Variants in PPARGC1B observed in about 807,000 individuals in gnomAD.
PPARGC1B encodes the protein peroxisome proliferator-activated receptor gamma coactivator 1-beta.
Under a neutral mutation model 101.6 loss-of-function variants are expected in PPARGC1B, and 34 were observed. The ratio of observed to expected loss-of-function variants is 0.33; its 90% confidence interval spans 0.25 to 0.45. The LOEUF (loss-of-function observed/expected upper bound fraction) is 0.45, where lower values mean the gene tolerates loss of function less well. Ranked by LOEUF, PPARGC1B falls within the 20% of genes least tolerant of loss-of-function variation. PPARGC1B has a pLI of 1.00. For missense variants in PPARGC1B, 1,234 were observed against 1,317.6 expected, an observed-to-expected ratio of 0.94 and a Z score of 0.98; for synonymous variants, 548 against 539.3, an observed-to-expected ratio of 1.02 and a Z score of -0.22.
rs1755124111 is a variant in PPARGC1B, at chr5:149,747,254, C to T, written c.78+16834C>T. 5.9e-5 allele frequency among the ~76,000 whole-genome samples: 9 copies of T among 152,142 alleles called. No individual in the cohort carries two copies. The South Asian group carries it at 1.9e-3, about 32-fold the overall frequency. ...AGCTCTTTCATTTTTATCTTTGATC[C>T]ATTTGGAGTTAATGTTTATATATGG... On this transcript the variant is annotated intron_variant, in intron 1 of 11. Coordinates refer to ENST00000309241, the MANE Select transcript of PPARGC1B (RefSeq NM_133263.4).
In PPARGC1B at chr5:149,836,741, C is replaced by T. The variant is rs45543631; in HGVS notation, c.2286C>T (p.Ala762=). Reference sequence around the variant, plus strand: ...TGCTGAGAGACCATGAGATCCGTGCCAGCCTCACCAAACACTTTGGGCTGC... The same window carrying T: ...TGCTGAGAGACCATGAGATCCGTGCTAGCCTCACCAAACACTTTGGGCTGC... ...STLLRDHEIR[A]SLTKHFGLLE... is the part of the protein sequence containing the mutation. Residue 762 remains alanine, a synonymous_variant, in exon 8 of 12, where the codon GCC becomes GCT. Coordinates refer to ENST00000309241, the MANE Select transcript of PPARGC1B (RefSeq NM_133263.4). The T allele has an allele frequency of 0.052, 83,414 of 1,613,670 alleles. 3,915 individuals carry two copies. Among genetic ancestry groups the T allele is most frequent in the Admixed American group, 0.23 (13,840 of 60,022 alleles).
chr5:149,812,488 A>G (rs986366142), intron 1 of PPARGC1B, among the ~76,000 whole-genome samples: 4 of 152,192 alleles, frequency 2.6e-5, no homozygotes, highest in Non-Finnish European at 5.9e-5. Flanking sequence ...TTGATGGGTG[A>G]TAGAAACTCC....
chr5:149,772,062 G>A, intron 1 of PPARGC1B: 1 of 1,555,912 alleles, frequency 6.4e-7, no homozygotes, highest in South Asian at 1.2e-5. Context: ...GTGCACAGGT[G>A]GGGACCTCTG....
chr5:149,845,633 A>G (rs534401597), intron 10 of PPARGC1B, 127 bp from the exon 11 acceptor site: 2 of 959,316 alleles, frequency 2.1e-6, no homozygotes, highest in Non-Finnish European at 3.2e-6. Flanking sequence ...CATCATCTCT[A>G]TCTAGGGGGC....
Position 149,814,429 on chromosome 5 carries a change from G to A in PPARGC1B, c.79-6004G>A, listed in dbSNP as rs770288899. ...ATTGTATCAAATGCTTGAGCAGGGT[G>A]TTCTCCAGAGGGCCTGTCTGGTTTT... On this transcript the variant is annotated intron_variant, in intron 1 of 11. Transcript: ENST00000309241. Among the ~76,000 whole-genome samples the A allele has an allele frequency of 2.0e-5, 3 of 152,208 alleles. No homozygotes were observed. In the East Asian group the frequency reaches 5.8e-4, roughly 29 times the overall value.
chr5:149,736,367 C>CT (rs78624741), intron 1 of PPARGC1B, among the ~76,000 whole-genome samples: 4,195 of 143,022 alleles, frequency 0.029, 116 homozygotes, highest in African/African-American at 0.077. Flanking sequence ...TGCATGCAAT[C>CT]TTTTTTTTTT....
chr5:149,763,281 A>T (rs2113160265), intron 1 of PPARGC1B, among the ~76,000 whole-genome samples: 1 of 152,286 alleles, frequency 6.6e-6, no homozygotes, highest in South Asian at 2.1e-4. Context: ...GAGCCCTCTT[A>T]AAGTTGCAGC....
rs749647350 is a variant in PPARGC1B at position 149,852,451 on chromosome 5, G to C, written c.*4893G>C. 6.6e-6 allele frequency: 1 copy of C among 152,150 alleles called. No individual in the cohort carries two copies. The highest frequency in any genetic ancestry group is 1.5e-5 in the Non-Finnish European group (1 of 68,020). 9.4% of individuals were successfully genotyped at this position (152,150 alleles called of 1,614,324 possible). The stretch of plus-strand genomic sequence containing the variant: ...CTCCTGTTCAGGGTGAGGGTTCTCT[G>C]CAAGAACCAACCAGCAGTAGGTTCA... On this transcript the variant is annotated 3_prime_UTR_variant, in exon 12 of 12. Transcript: ENST00000309241.
intron 1 of PPARGC1B, among the ~76,000 whole-genome samples, chr5:149,757,335 G>A (rs1447050186): frequency 7.2e-6 from 1 of 139,222 alleles, no homozygotes; most frequent in Admixed American, 7.2e-5. Flanking sequence ...AAAGAAACCT[G>A]GTGTGTTTGA....
chr5:149,737,298 C>T (rs1754754377), intron 1 of PPARGC1B, among the ~76,000 whole-genome samples: 1 of 152,142 alleles, frequency 6.6e-6, no homozygotes, highest in African/African-American at 2.4e-5. Flanking sequence ...TTTCCGAAGG[C>T]CTTCGGGTAC....
intron 1 of PPARGC1B, among the ~76,000 whole-genome samples, chr5:149,781,849 C>G (rs930556923): frequency 6.6e-6 from 1 of 152,170 alleles, no homozygotes; most frequent in Non-Finnish European, 1.5e-5. Flanking sequence ...TTTACCCATA[C>G]AATGACAGCT....
chr5:149,749,504 T>G (rs1463807970), intron 1 of PPARGC1B, among the ~76,000 whole-genome samples: 1 of 152,198 alleles, frequency 6.6e-6, no homozygotes, highest in African/African-American at 2.4e-5. Flanking sequence ...TGAATTCTTT[T>G]TGGAGCAATG....
Position 149,837,122 on chromosome 5 carries a change from G to A in PPARGC1B, c.2618+49G>A. ...AGGCAGCGGGCAGTGGAGGATCCCA[G>A]TTCCCGGGGAGCCAGGAGCCCCAGG... is the stretch of plus-strand genomic sequence containing the variant. On this transcript the variant is annotated intron_variant, in intron 8 of 11. Coordinates refer to ENST00000309241, the MANE Select transcript of PPARGC1B (RefSeq NM_133263.4). The surrounding 1 kb of genome is among the most constrained non-coding windows in gnomAD (Gnocchi z 4.2). 6.5e-7 allele frequency: 1 copy of A among 1,537,570 alleles called. No homozygotes were observed. Among genetic ancestry groups the A allele is most frequent in the South Asian group, 1.3e-5 (1 of 79,194 alleles).
intron 2 of PPARGC1B, among the ~76,000 whole-genome samples, chr5:149,821,601 T>C (rs1311753891): frequency 6.6e-6 from 1 of 152,214 alleles, no homozygotes; most frequent in Admixed American, 6.5e-5. Flanking sequence ...ATAATAATAA[T>C]AACAACCACA....
intron 1 of PPARGC1B, among the ~76,000 whole-genome samples, chr5:149,771,109 C>A (rs956794488): frequency 2.6e-5 from 4 of 152,118 alleles, no homozygotes; most frequent in Non-Finnish European, 4.4e-5. Flanking sequence ...GCAGGGTGAG[C>A]GTACAAATGG....
chr5:149,754,039 C>T (rs1466672012), intron 1 of PPARGC1B, among the ~76,000 whole-genome samples: 3 of 152,096 alleles, frequency 2.0e-5, no homozygotes, highest in Non-Finnish European at 2.9e-5. Flanking sequence ...CATTCCTGTC[C>T]GTGAAATTAT....
intron 1 of PPARGC1B, among the ~76,000 whole-genome samples, chr5:149,734,182 C>T (rs1400575926): frequency 3.3e-5 from 5 of 149,404 alleles, no homozygotes; most frequent in South Asian, 4.2e-4. Context: ...ATTAGCTGGG[C>T]GTGGTGACAC....
At chr5:149,830,683 T>C in intron 3 of PPARGC1B, 84 bp from the exon 4 acceptor site, 1 of 962,808 alleles carries the variant, frequency 1.0e-6, no homozygotes, top group South Asian at 1.3e-5. Context: ...ATGCCCAAGG[T>C]CAGTCCTGAG....
In PPARGC1B at chr5:149,734,076, C is replaced by G. The variant is rs1382717948; in HGVS notation, c.78+3656C>G. Among the ~76,000 whole-genome samples, 4 of 151,982 alleles carry G rather than the reference C, an allele frequency of 2.6e-5. No individual in the cohort carries two copies. In the South Asian group the frequency reaches 8.3e-4, roughly 32 times the overall value. Reference sequence around the variant, plus strand: ...GTGGCTCACCCCTGTAATCCTAGCACTTTGGGAGGCCGAGGCGGGTGAATC... The same window carrying G: ...GTGGCTCACCCCTGTAATCCTAGCAGTTTGGGAGGCCGAGGCGGGTGAATC... On this transcript the variant is annotated intron_variant, in intron 1 of 11. Coordinates refer to ENST00000309241, the MANE Select transcript of PPARGC1B (RefSeq NM_133263.4).
Sources: allele counts gnomAD v4.1 joint callset (sites outside exome capture counted in the v4.1 genomes callset), GRCh38; gene constraint gnomAD v4.1.1; non-coding constraint Gnocchi (gnomAD v3.1); transcripts MANE v1.5; gene names NCBI Gene and HGNC (gene_info 2026-07-23, HGNC 2026-07-21).